Variants in CLDN14 observed in about 807,000 individuals in gnomAD.
The protein encoded by CLDN14 is claudin 14.
A neutral mutation model predicts 2.1 loss-of-function variants in CLDN14; 2 were observed. That is an observed-to-expected ratio of 0.96 (90% CI 0.39 to 3.01). The LOEUF (loss-of-function observed/expected upper bound fraction) is 3.01. Ranked by LOEUF, CLDN14 falls within the 30% of genes most tolerant of loss-of-function variation. The pLI is 0.09. For synonymous variants in CLDN14, 136 were observed against 154.4 expected (o/e 0.88, Z 0.88); for missense variants, 298 against 328.0 (o/e 0.91, Z 0.71).
intron 1 of CLDN14, among the ~76,000 whole-genome samples, chr21:36,525,739 G>C (rs1033536702): frequency 6.6e-5 from 10 of 152,136 alleles, no homozygotes. Flanking sequence ...TGACCACGAG[G>C]CACCACCAAC....
intron 1 of CLDN14, among the ~76,000 whole-genome samples, chr21:36,514,511 A>G (rs192010281): frequency 6.6e-6 from 1 of 152,324 alleles, no homozygotes; most frequent in East Asian, 1.9e-4. Flanking sequence ...AACTCCACTC[A>G]TCCCAAACTG....
chr21:36,553,791 T>A (rs2087578887), intron 1 of CLDN14, among the ~76,000 whole-genome samples: 1 of 152,046 alleles, frequency 6.6e-6, no homozygotes, highest in Non-Finnish European at 1.5e-5. Context: ...TGAGGACAAC[T>A]GTGTGTGAGA....
At chr21:36,548,666 T>C (rs185273467) in intron 1 of CLDN14, among the ~76,000 whole-genome samples, 9 of 152,194 alleles carry the variant, frequency 5.9e-5, no homozygotes, top group Admixed American at 3.3e-4. Context: ...GCTTCTCCCC[T>C]CTCCCGCATG....
At chr21:36,539,930 T>C (rs1473266182) in intron 1 of CLDN14, among the ~76,000 whole-genome samples, 2 of 151,714 alleles carry the variant, frequency 1.3e-5, no homozygotes, top group Non-Finnish European at 2.9e-5. Context: ...CTGTGGAGTG[T>C]GTGTGTGGAG....
At chr21:36,557,648 A>G (rs1489538315) in intron 1 of CLDN14, among the ~76,000 whole-genome samples, 1 of 152,166 alleles carries the variant, frequency 6.6e-6, no homozygotes, top group African/African-American at 2.4e-5. Flanking sequence ...GTTTTCTGCT[A>G]TTGGGTTGAA....
At chr21:36,566,951 T>C (rs1220158103) in intron 1 of CLDN14, among the ~76,000 whole-genome samples, 1 of 152,194 alleles carries the variant, frequency 6.6e-6, no homozygotes, top group Non-Finnish European at 1.5e-5. Flanking sequence ...CTGGGCTGAT[T>C]ACAAACTCGT....
chr21:36,543,431 C>A (rs989954350), intron 1 of CLDN14, among the ~76,000 whole-genome samples: 2 of 152,194 alleles, frequency 1.3e-5, no homozygotes, highest in Non-Finnish European at 2.9e-5. Context: ...GAGAGGCAAA[C>A]AAAAGAGAGT....
chr21:36,523,688 C>T (rs2087291707), intron 1 of CLDN14, among the ~76,000 whole-genome samples: 1 of 146,648 alleles, frequency 6.8e-6, no homozygotes, highest in African/African-American at 2.5e-5. Context: ...GTGGAGGTTG[C>T]AGTGAGCCGA....
chr21:36,571,154 A>C (rs9975456), intron 1 of CLDN14, among the ~76,000 whole-genome samples: 21,666 of 152,220 alleles, frequency 0.14, 1,737 homozygotes, highest in Non-Finnish European at 0.19. Flanking sequence ...TCTCCTTTTT[A>C]CCAAACATTC....
intron 1 of CLDN14, among the ~76,000 whole-genome samples, chr21:36,474,770 A>C (rs1247455182): frequency 6.6e-6 from 1 of 152,158 alleles, no homozygotes. Context: ...TGGTTCAGCG[A>C]GGAGGGAAAC....
At chr21:36,466,673 G>C (rs935260923) in intron 1 of CLDN14, among the ~76,000 whole-genome samples, 1 of 152,160 alleles carries the variant, frequency 6.6e-6, no homozygotes, top group South Asian at 2.1e-4. Context: ...TTCTGCCCTG[G>C]CCCCTCTCAA....
intron 1 of CLDN14, among the ~76,000 whole-genome samples, chr21:36,541,362 G>C (rs1601630694): frequency 6.6e-6 from 1 of 152,122 alleles, no homozygotes; most frequent in African/African-American, 2.4e-5. Context: ...AGGTGCATAG[G>C]TGAAAGAACA....
At chr21:36,462,920 AAAAAC>A (rs1442445378) in intron 1 of CLDN14, among the ~76,000 whole-genome samples, 1 of 148,522 alleles carries the variant, frequency 6.7e-6, no homozygotes, top group African/African-American at 2.6e-5. Flanking sequence ...TCCGTCTCAA[AAAAAC>A]AAAACAAGCA....
chr21:36,515,100 G>A (rs937458840), intron 1 of CLDN14, among the ~76,000 whole-genome samples: 2 of 152,114 alleles, frequency 1.3e-5, no homozygotes, highest in Non-Finnish European at 2.9e-5. Context: ...AAACGCTTTT[G>A]CACTATTGGG....
chr21:36,511,416 A>G (rs1188390291), intron 1 of CLDN14, among the ~76,000 whole-genome samples: 2 of 152,204 alleles, frequency 1.3e-5, no homozygotes, highest in African/African-American at 4.8e-5. Flanking sequence ...GATTTTACCA[A>G]TTCAGTTGTA....
At chr21:36,486,764 A>G in intron 2 of CLDN14, 3 of 849,890 alleles carry the variant, frequency 3.5e-6, no homozygotes, top group Non-Finnish European at 6.0e-6. Context: ...CTTCCCACGA[A>G]GGCAATGATA....
intron 1 of CLDN14, among the ~76,000 whole-genome samples, chr21:36,470,396 G>A (rs74535100): frequency 0.012 from 1,793 of 152,346 alleles, 24 homozygotes; most frequent in Non-Finnish European, 0.02. Flanking sequence ...GAGGCAGAGA[G>A]TGGAGCGAGA....
chr21:36,552,738 AC>A (rs1568879263), intron 1 of CLDN14, among the ~76,000 whole-genome samples: 1 of 150,030 alleles, frequency 6.7e-6, no homozygotes, highest in African/African-American at 2.4e-5. Context: ...GGAAAAAAAA[AC>A]TCTCTATTTT....
intron 2 of CLDN14, among the ~76,000 whole-genome samples, chr21:36,494,138 G>A (rs1317031380): frequency 3.3e-5 from 5 of 152,152 alleles, no homozygotes. Flanking sequence ...GGCTGATGTC[G>A]GACTAGCCTC....
Sources: gnomAD v4.1 joint callset for allele counts (sites outside exome capture counted in the v4.1 genomes callset) on GRCh38, gnomAD v4.1.1 for gene constraint, MANE v1.5 for transcripts, NCBI Gene and HGNC (gene_info 2026-07-23, HGNC 2026-07-21) for gene names.